The following SLC25A26 variants were observed in gnomAD, a reference collection of about 807,000 sequenced individuals.
The protein encoded by SLC25A26 is mitochondrial S-adenosylmethionine carrier protein.
A neutral mutation model predicts 37.8 loss-of-function variants in SLC25A26; 36 were observed. The observed-to-expected ratio is 0.95, with a 90% CI of 0.73 to 1.26. The LOEUF is 1.26. Among genes scored for constraint, SLC25A26 ranks in the 50% most tolerant of loss-of-function variants. The pLI is 0.00. For missense variants in SLC25A26, 390 were observed against 331.1 expected (o/e 1.18, Z -1.38); for synonymous variants, 129 against 122.5 (o/e 1.05, Z -0.35).
intron 5 of SLC25A26, among the ~76,000 whole-genome samples, chr3:66,324,779 G>A (rs2107656057): frequency 6.8e-6 from 1 of 147,634 alleles, no homozygotes; most frequent in South Asian, 2.2e-4. Flanking sequence ...CATTATTAAA[G>A]TTCTTTTGTA....
At chr3:66,336,835 G>A (rs2076102055) in intron 5 of SLC25A26, among the ~76,000 whole-genome samples, 1 of 152,140 alleles carries the variant, frequency 6.6e-6, no homozygotes, top group African/African-American at 2.4e-5. Flanking sequence ...GTGTGTGTGT[G>A]TAGAATTAGT....
At chr3:66,312,849 A>G (rs2075421819) in intron 5 of SLC25A26, among the ~76,000 whole-genome samples, 1 of 152,076 alleles carries the variant, frequency 6.6e-6, no homozygotes, top group Admixed American at 6.5e-5. Context: ...AACCAGTCCC[A>G]TTGAGATGAA....
At chr3:66,208,600 TAAACCTC>T (rs1404858105) in intron 1 of SLC25A26, among the ~76,000 whole-genome samples, 1 of 148,764 alleles carries the variant, frequency 6.7e-6, no homozygotes, top group Admixed American at 6.8e-5. Context: ...ATTTCTGCTC[TAAACCTC>T]AAAAAAAGTA....
intron 5 of SLC25A26, among the ~76,000 whole-genome samples, chr3:66,330,968 A>G (rs1196747821): frequency 2.0e-5 from 3 of 152,048 alleles, no homozygotes; most frequent in Admixed American, 2.0e-4. Flanking sequence ...GAGTTTGTAT[A>G]TCTCAGTCAT....
upstream of SLC25A26, among the ~76,000 whole-genome samples, chr3:66,217,638 G>A (rs1008837119): frequency 2.3e-3 from 341 of 151,338 alleles, 1 homozygote; most frequent in African/African-American, 7.4e-3. Context: ...AACCTCCACC[G>A]CTCGGGTTCA....
rs1280042578 is a variant in SLC25A26, at chr3:66,164,074, T to A, written c.-354+30090T>A. Among the ~76,000 whole-genome samples the A allele has an allele frequency of 2.0e-5, 3 of 152,220 alleles. No homozygotes were observed. The East Asian group carries it at 5.8e-4, about 29-fold the overall frequency. On this transcript the variant is annotated intron_variant, in intron 1 of 10. Coordinates refer to the SLC25A26 transcript ENST00000676754. ...AAACTCTGATTTAAACAATTAATACTTAAAACTTCATTATATTCCAGGCCT... is the reference window on the plus strand; with the variant it reads ...AAACTCTGATTTAAACAATTAATACATAAAACTTCATTATATTCCAGGCCT...
In SLC25A26 at chr3:66,221,016, A is replaced by G; in HGVS notation, c.-79A>G. 6.8e-7 allele frequency: 1 copy of G among 1,471,064 alleles called. No homozygotes were observed. Among genetic ancestry groups the G allele is most frequent in the East Asian group, 2.5e-5 (1 of 40,342 alleles). 91.1% of individuals were successfully genotyped at this position (1,471,064 alleles called of 1,614,324 possible). A position where few individuals can be genotyped will look rare whatever the true frequency, so the allele number is the denominator to read the frequency against. On this transcript the variant is annotated 5_prime_UTR_variant, in exon 1 of 10. It removes an upstream start codon present in the reference 5' UTR. Transcript: ENST00000354883. ...AGTTCAAGACAGACCCGCCTCAAAC[A>G]TGGCGGCGCCCAGCGCGCGAGGACG... is the stretch of plus-strand genomic sequence containing the variant.
At chr3:66,209,819 A>G (rs1321787721) in intron 1 of SLC25A26, among the ~76,000 whole-genome samples, 2 of 100,572 alleles carry the variant, frequency 2.0e-5, no homozygotes, top group South Asian at 5.9e-4. Flanking sequence ...GTGTATCTAT[A>G]CACACACACA....
At chr3:66,134,664 G>C (rs908248913) in intron 1 of SLC25A26, among the ~76,000 whole-genome samples, 2 of 152,126 alleles carry the variant, frequency 1.3e-5, no homozygotes, top group Non-Finnish European at 2.9e-5. Flanking sequence ...GACTTGCAAA[G>C]GAATGACTTA....
In SLC25A26 at chr3:66,236,619, C is replaced by T; in HGVS notation, c.109C>T (p.Pro37Ser). ...LDTIKTRLQS[P>S]QGFSKAGGFH... is the part of the protein sequence containing the mutation. Reference sequence around the variant, plus strand: ...TACCATTAAAACCAGGCTGCAGAGTCCCCAAGGATTTAGTAAGGCTGGTGG... The same window carrying T: ...TACCATTAAAACCAGGCTGCAGAGTTCCCAAGGATTTAGTAAGGCTGGTGG... Residue 37 changes from proline (P) to serine (S), a missense_variant, in exon 2 of 10, where the codon CCC (proline) becomes TCC (serine). Coordinates refer to ENST00000354883, the MANE Select transcript of SLC25A26 (RefSeq NM_001379210.1). 1 of 1,526,522 alleles carries T rather than the reference C, an allele frequency of 6.6e-7. No individual in the cohort carries two copies. The highest frequency in any genetic ancestry group is 1.4e-5 in the African/African-American group (1 of 72,836). The allele number at this position is 1,526,522 out of a possible 1,614,324, so 94.6% of individuals were successfully genotyped here.
intron 1 of SLC25A26, among the ~76,000 whole-genome samples, chr3:66,225,270 G>A (rs1027448896): frequency 6.6e-6 from 1 of 152,218 alleles, no homozygotes; most frequent in Non-Finnish European, 1.5e-5. Flanking sequence ...TACATCATCT[G>A]AAATCTAGGC....
chr3:66,358,840 GGA>G (rs1429382936), intron 6 of SLC25A26, among the ~76,000 whole-genome samples: 1 of 152,154 alleles, frequency 6.6e-6, no homozygotes, highest in Non-Finnish European at 1.5e-5. Context: ...GGAAGATTCT[GGA>G]GAGAATTACA....
intron 1 of SLC25A26, among the ~76,000 whole-genome samples, chr3:66,182,144 TAATC>T (rs2070722137): frequency 6.6e-6 from 1 of 152,190 alleles, no homozygotes; most frequent in Non-Finnish European, 1.5e-5. Flanking sequence ...GTGGAGCAGA[TAATC>T]AATATCTTTA....
chr3:66,290,628 A>C (rs972190372), intron 5 of SLC25A26, among the ~76,000 whole-genome samples: 2 of 152,046 alleles, frequency 1.3e-5, no homozygotes, highest in African/African-American at 4.8e-5. Context: ...GTTGATTTGC[A>C]TATGTTGAAC....
chr3:66,306,538 G>A (rs1173290158), intron 5 of SLC25A26, among the ~76,000 whole-genome samples: 4 of 151,818 alleles, frequency 2.6e-5, no homozygotes, highest in South Asian at 2.1e-4. Flanking sequence ...TGTGCACAAC[G>A]TGCAGGTTTG....
At chr3:66,159,292 T>C (rs1022334118) in intron 1 of SLC25A26, among the ~76,000 whole-genome samples, 2 of 152,184 alleles carry the variant, frequency 1.3e-5, no homozygotes, top group Non-Finnish European at 2.9e-5. Flanking sequence ...GGCCTGACAA[T>C]TACATGGAAT....
At chr3:66,324,123 G>T (rs1470472792) in intron 5 of SLC25A26, 1 of 129,904 alleles carries the variant, frequency 7.7e-6, no homozygotes, top group East Asian at 3.1e-4. Context: ...TTACACTCCA[G>T]CCTGGGCAAT....
At chr3:66,232,854 G>C (rs1251226067) in intron 1 of SLC25A26, among the ~76,000 whole-genome samples, 1 of 152,322 alleles carries the variant, frequency 6.6e-6, no homozygotes, top group South Asian at 2.1e-4. Flanking sequence ...TTATGAAAAT[G>C]ATTAGTACAG....
At chr3:66,240,098 T>A (rs1253040906) in intron 2 of SLC25A26, among the ~76,000 whole-genome samples, 2 of 152,164 alleles carry the variant, frequency 1.3e-5, no homozygotes, top group Non-Finnish European at 2.9e-5. Context: ...GGAGAGATCC[T>A]TTTGCTCTGT....
Sources: gnomAD v4.1 joint callset for allele counts (sites outside exome capture counted in the v4.1 genomes callset) on GRCh38, gnomAD v4.1.1 for gene constraint, MANE v1.5 for transcripts, NCBI Gene and HGNC (gene_info 2026-07-23, HGNC 2026-07-21) for gene names.